Variants in GOLGA4 observed in about 807,000 individuals in gnomAD.
The protein encoded by GOLGA4 is golgin A4.
Under a neutral mutation model 265.9 loss-of-function variants are expected in GOLGA4, and 169 were observed. The observed-to-expected ratio is 0.64, with a 90% CI of 0.56 to 0.72. GOLGA4 has a LOEUF of 0.72. Ranked by LOEUF, GOLGA4 falls within the 30% of genes least tolerant of loss-of-function variation. The pLI, the probability that GOLGA4 is intolerant of heterozygous loss-of-function variation, is 0.00. For missense variants in GOLGA4, 2,482 were observed against 2,483.4 expected (o/e 1.00, Z 0.01); for synonymous variants, 923 against 855.8 (o/e 1.08, Z -1.37).
chr3:37,362,232 TATTTATTA>T (rs1334573403), intron 23 of GOLGA4, among the ~76,000 whole-genome samples: 45 of 120,264 alleles, frequency 3.7e-4, no homozygotes, highest in South Asian at 1.3e-3. Context: ...TTTATTTATT[TATTTATTA>T]TTTTTTTTTT....
At chr3:37,252,945 T>C (rs888553111) in intron 2 of GOLGA4, among the ~76,000 whole-genome samples, 1 of 152,180 alleles carries the variant, frequency 6.6e-6, no homozygotes, top group Non-Finnish European at 1.5e-5. Flanking sequence ...TGTCCTTTGA[T>C]GAACAGAAGT....
intron 6 of GOLGA4, 58 bp from the exon 7 acceptor site, chr3:37,296,029 A>G (rs2096877302): frequency 6.7e-7 from 1 of 1,494,296 alleles, no homozygotes; most frequent in South Asian, 1.1e-5. Flanking sequence ...CCAAGGGACA[A>G]TTGTACTACT....
chr3:37,293,239 C>T (rs1017806138), intron 5 of GOLGA4, among the ~76,000 whole-genome samples: 2 of 152,118 alleles, frequency 1.3e-5, no homozygotes, highest in Non-Finnish European at 2.9e-5. Flanking sequence ...CAGCCCAGGA[C>T]GGCTTTGAAT....
Position 37,282,226 on chromosome 3 carries a change from G to A in GOLGA4, c.431G>A (p.Arg144Gln), listed in dbSNP as rs778956577. The A allele has an allele frequency of 2.4e-5, 38 of 1,614,044 alleles. No individual in the cohort carries two copies. The highest frequency in any genetic ancestry group is 1.3e-4 in the South Asian group (12 of 91,080). The change falls in exon 3 of 24, where the codon CGA becomes CAA. Residue 144 changes from arginine (R) to glutamine (Q), a missense_variant. Coordinates refer to ENST00000361924, the MANE Select transcript of GOLGA4 (RefSeq NM_002078.5). Reference protein sequence around the residue: ...LNKEQLIQRLRRMERSLSSYR... With the variant: ...LNKEQLIQRLQRMERSLSSYR... ...AAAGAACAGTTGATTCAGCGGTTGC[G>A]AAGAATGGAACGAAGCTTAAGTAGC...
chr3:37,353,292 T>C (rs976007782), intron 21 of GOLGA4, among the ~76,000 whole-genome samples: 1 of 152,030 alleles, frequency 6.6e-6, no homozygotes, highest in Non-Finnish European at 1.5e-5. Flanking sequence ...ATGGCACCAA[T>C]AGACTTGCTT....
At chr3:37,265,295 C>G (rs566880376) in intron 2 of GOLGA4, among the ~76,000 whole-genome samples, 1 of 152,258 alleles carries the variant, frequency 6.6e-6, no homozygotes, top group Non-Finnish European at 1.5e-5. Context: ...AACTAAAGCA[C>G]AGAAGATAAT....
At chr3:37,309,644 C>A (rs915181419) in intron 10 of GOLGA4, among the ~76,000 whole-genome samples, 1 of 152,218 alleles carries the variant, frequency 6.6e-6, no homozygotes, top group African/African-American at 2.4e-5. Context: ...TTTCATTCTA[C>A]CTATATTTTC....
chr3:37,276,891 A>G (rs1000467243), intron 2 of GOLGA4, among the ~76,000 whole-genome samples: 4 of 152,212 alleles, frequency 2.6e-5, no homozygotes, highest in Non-Finnish European at 4.4e-5. Context: ...AAAGGAAAAT[A>G]CACCTTAACT....
In GOLGA4 at chr3:37,251,871, G is replaced by A. The variant is rs188101947; in HGVS notation, c.162+387G>A. On this transcript the variant is annotated intron_variant, in intron 2 of 23. Coordinates refer to ENST00000361924, the MANE Select transcript of GOLGA4 (RefSeq NM_002078.5). ...GCTAACGTTTAAATTTTTCGTAGAC[G>A]GGGTCCCACTATGTTGCTCAGGCTG... 2.6e-3 allele frequency among the ~76,000 whole-genome samples: 390 copies of A among 152,172 alleles called. 5 individuals are homozygous for A. Among genetic ancestry groups the A allele is most frequent in the East Asian group, 7.9e-3 (41 of 5,178 alleles).
Position 37,326,576 on chromosome 3 carries a change from C to A in GOLGA4, c.4690C>A (p.Gln1564Lys). 2 of 1,612,736 alleles carry A rather than the reference C, an allele frequency of 1.2e-6. No individual in the cohort carries two copies. The highest frequency in any genetic ancestry group is 2.2e-5 in the South Asian group (2 of 90,828). Residue 1564 changes from glutamine (Q) to lysine (K), a missense_variant, in exon 14 of 24, where the codon CAG becomes AAG. Transcript: ENST00000361924. ...QKDIEHKELV[Q>K]KLQHFQELGE... ...GGATATTGAACACAAAGAATTGGTT[C>A]AGAAACTTCAACATTTTCAAGAGTT...
At chr3:37,327,993 G>C (rs76241178) in intron 14 of GOLGA4, among the ~76,000 whole-genome samples, 168 bp downstream of exon 14, 5,837 of 151,948 alleles carry the variant, frequency 0.038, 144 homozygotes, top group African/African-American at 0.056. Flanking sequence ...AAACAATTTA[G>C]GGCAAGTGGC....
intron 10 of GOLGA4, among the ~76,000 whole-genome samples, chr3:37,314,971 T>C (rs1039406114): frequency 6.6e-6 from 1 of 152,238 alleles, no homozygotes; most frequent in Non-Finnish European, 1.5e-5. Context: ...CTAAGAATAG[T>C]TTTTCCATTC....
In GOLGA4 at chr3:37,328,504, C is replaced by G; in HGVS notation, c.6028C>G (p.Gln2010Glu). ...TAATACACAGCTGGCACAAAAGGAA[C>G]AAGAGCTGGAAATGACCATAAAAGA... is the stretch of plus-strand genomic sequence containing the variant. ...EFNTQLAQKE[Q>E]ELEMTIKETI... The change falls in exon 15 of 24, where the codon CAA becomes GAA. Residue 2010 changes from glutamine to glutamate, a missense_variant. Gln to Glu is a conservative substitution (Grantham distance 29). Coordinates refer to ENST00000361924, the MANE Select transcript of GOLGA4 (RefSeq NM_002078.5). 6.2e-7 allele frequency: 1 copy of G among 1,612,620 alleles called. No homozygotes were observed. The highest frequency in any genetic ancestry group is 8.5e-7 in the Non-Finnish European group (1 of 1,179,112).
At chr3:37,243,699 G>A (rs1171207194) in intron 1 of GOLGA4, 77 bp downstream of exon 1, 1 of 1,226,806 alleles carries the variant, frequency 8.2e-7, no homozygotes, top group Admixed American at 2.0e-5. Flanking sequence ...GGCGGGGGGA[G>A]TGGGGAAGTT....
At chr3:37,333,343 GT>G (rs1327409808) in intron 16 of GOLGA4, among the ~76,000 whole-genome samples, 2 of 151,924 alleles carry the variant, frequency 1.3e-5, no homozygotes, top group Non-Finnish European at 2.9e-5. Flanking sequence ...ATTCAACTTA[GT>G]TTTTCTTAGT....
At chr3:37,253,346 G>A (rs1236824633) in intron 2 of GOLGA4, among the ~76,000 whole-genome samples, 1 of 151,484 alleles carries the variant, frequency 6.6e-6, no homozygotes, top group Non-Finnish European at 1.5e-5. Context: ...TAGGGTACAG[G>A]GAAATGATGA....
chr3:37,307,101 A>G (rs898524044), intron 10 of GOLGA4, among the ~76,000 whole-genome samples: 1 of 152,232 alleles, frequency 6.6e-6, no homozygotes, highest in Non-Finnish European at 1.5e-5. Flanking sequence ...TTTCTAGAGT[A>G]TAGTAACTTT....
chr3:37,296,144 C>G lies in GOLGA4; in HGVS notation c.739C>G (p.Pro247Ala). ...CCCGATGAATGTTGATGTACTGAAA[C>G]CACTTCCTCAGCTGGAACCACAGGC... ...NGPMNVDVLK[P>A]LPQLEPQAEV... Residue 247 changes from proline to alanine, a missense_variant, in exon 7 of 24, where the codon CCA becomes GCA. Pro to Ala is a conservative substitution (Grantham distance 27, BLOSUM62 -1). This residue lies in a region of GOLGA4 where 1,536 missense variants were observed against 1,483.7 expected (regional missense o/e 1.04). Transcript: ENST00000361924. 1 of 1,613,544 alleles carries G rather than the reference C, an allele frequency of 6.2e-7. No individual in the cohort carries two copies. Among genetic ancestry groups the G allele is most frequent in the South Asian group, 1.1e-5 (1 of 91,074 alleles).
At position 37,302,192 on chromosome 3, in the gene GOLGA4, T is replaced by C; in HGVS notation, c.1094T>C (p.Val365Ala). The change falls in exon 10 of 24, where the codon GTA becomes GCA. Residue 365 changes from valine to alanine, a missense_variant. Around this residue, in one of 3 missense-constraint regions of GOLGA4, gnomAD observed 1,536 missense variants for 1,483.7 expected, o/e 1.04. Transcript: ENST00000361924. ...GTCTTCACTTCTATTCAGGGAATGG[T>C]AATCGCAGAGACAAAACGTCAGATG... ...IEQLEQDKGM[V>A]IAETKRQMHE... 6.2e-7 allele frequency: 1 copy of C among 1,613,036 alleles called. No homozygotes were observed. The highest frequency in any genetic ancestry group is 1.3e-5 in the African/African-American group (1 of 74,992).
Sources: gnomAD v4.1 joint callset for allele counts (sites outside exome capture counted in the v4.1 genomes callset) on GRCh38, gnomAD v4.1.1 for gene constraint, gnomAD v4.1.1 regional missense constraint, MANE v1.5 for transcripts, NCBI Gene and HGNC (gene_info 2026-07-23, HGNC 2026-07-21) for gene names.